RAB32: variants seen among roughly 807,000 people sequenced by gnomAD.
RAB32 encodes the protein ras-related protein Rab-32.
A neutral mutation model predicts 17.5 loss-of-function variants in RAB32; 17 were observed. The observed-to-expected ratio is 0.97, with a 90% CI of 0.67 to 1.46. The LOEUF is 1.46. Among genes scored for constraint, RAB32 ranks in the 40% most tolerant of loss-of-function variants. The pLI is 0.00. For synonymous variants in RAB32, 115 were observed against 111.1 expected, an observed-to-expected ratio of 1.04 and a Z score of -0.22; for missense variants, 288 against 284.3, an observed-to-expected ratio of 1.01 and a Z score of -0.09.
rs772752934 is a variant in RAB32 at position 146,554,499 on chromosome 6, A to C, written c.572A>C (p.Lys191Thr). 3.1e-6 allele frequency: 5 copies of C among 1,613,752 alleles called. No homozygotes were observed. In the South Asian group the frequency reaches 5.5e-5, roughly 18 times the overall value. Residue 191 changes from lysine to threonine, a missense_variant, in exon 3 of 3, where the codon AAG becomes ACG. Transcript: ENST00000367495. ...GAAGCTGCCCGGTTCCTAGTGGAGA[A>C]GATTCTTGTAAACCACCAAAGCTTT... ...IEEAARFLVE[K>T]ILVNHQSFPN...
chr6:146,552,309 G>A (rs1050030669), intron 2 of RAB32, among the ~76,000 whole-genome samples: 2 of 152,020 alleles, frequency 1.3e-5, no homozygotes, highest in African/African-American at 4.8e-5. Context: ...AATGTCACTT[G>A]GACATTCAAA....
At chr6:146,554,104 G>GA (rs1779929244) in intron 2 of RAB32, among the ~76,000 whole-genome samples, 1 of 151,974 alleles carries the variant, frequency 6.6e-6, no homozygotes, top group African/African-American at 2.4e-5. Flanking sequence ...GCTTGAATTA[G>GA]ATATTCAAGG....
At chr6:146,548,730 T>G (rs773178718) in intron 1 of RAB32, among the ~76,000 whole-genome samples, 2 of 152,204 alleles carry the variant, frequency 1.3e-5, no homozygotes, top group African/African-American at 2.4e-5. Flanking sequence ...TGCCAAAGAT[T>G]AGTACAATAG....
Position 146,543,983 on chromosome 6 carries a change from A to G in RAB32, c.112A>G (p.Lys38Glu). 6.2e-7 allele frequency: 1 copy of G among 1,613,584 alleles called. No homozygotes were observed. Among genetic ancestry groups the G allele is most frequent in the Non-Finnish European group, 8.5e-7 (1 of 1,179,854 alleles). The change falls in exon 1 of 3, where the codon AAG becomes GAG. Residue 38 changes from lysine (K) to glutamate (E), a missense_variant. Coordinates refer to ENST00000367495, the MANE Select transcript of RAB32 (RefSeq NM_006834.5). ...GGTGATCGGCGAGCTTGGCGTGGGCAAGACCAGCATCATCAAGCGCTACGT... is the reference window on the plus strand; with the variant it reads ...GGTGATCGGCGAGCTTGGCGTGGGCGAGACCAGCATCATCAAGCGCTACGT... The part of the protein sequence containing the change: ...VLVIGELGVG[K>E]TSIIKRYVHQ...
At chr6:146,551,807 G>A (rs752263979) in intron 2 of RAB32, among the ~76,000 whole-genome samples, 1 of 152,134 alleles carries the variant, frequency 6.6e-6, no homozygotes, top group Admixed American at 6.6e-5. Flanking sequence ...AGGATTACAC[G>A]CAGAGGTGAA....
intron 2 of RAB32, among the ~76,000 whole-genome samples, chr6:146,551,946 A>C (rs1779903254): frequency 6.6e-6 from 1 of 152,080 alleles, no homozygotes; most frequent in South Asian, 2.1e-4. Context: ...TAACAGTAAT[A>C]AAAAAATTTA....
intron 2 of RAB32, among the ~76,000 whole-genome samples, chr6:146,553,654 T>C (rs566747489): frequency 6.6e-6 from 1 of 152,220 alleles, no homozygotes; most frequent in East Asian, 1.9e-4. Context: ...TGAGTAAGCT[T>C]TTTAGGCTAG....
At chr6:146,544,576 A>T (rs1378830782) in intron 1 of RAB32, among the ~76,000 whole-genome samples, 1 of 151,756 alleles carries the variant, frequency 6.6e-6, no homozygotes, top group African/African-American at 2.4e-5. Context: ...GTTCCTTTCC[A>T]GATCATTTTC....
chr6:146,548,769 C>T (rs976660622), intron 1 of RAB32, among the ~76,000 whole-genome samples: 1 of 152,142 alleles, frequency 6.6e-6, no homozygotes, highest in Non-Finnish European at 1.5e-5. Flanking sequence ...TTTGCAAAGT[C>T]CTATATAATG....
In RAB32 at chr6:146,551,945, T is replaced by TA. The variant is rs1333567529; in HGVS notation, c.528+2211dup. Among the ~76,000 whole-genome samples, 12 of 152,172 alleles carry TA rather than the reference T, an allele frequency of 7.9e-5. No homozygotes were observed. The South Asian group carries it at 1.9e-3, about 24-fold the overall frequency. On this transcript the variant is annotated intron_variant, in intron 2 of 2. Transcript: ENST00000367495. ...ACGTGTTCCAAGAGAATAACAGTAA[T>TA]AAAAAAATTTAGGTTAAAAATCTTA...
intron 1 of RAB32, 147 bp downstream of exon 1, chr6:146,544,268 A>G: frequency 1.7e-6 from 2 of 1,146,042 alleles, no homozygotes; most frequent in Non-Finnish European, 2.4e-6. Flanking sequence ...GCGAGATGCG[A>G]TGGACGCGGT....
chr6:146,547,741 G>T (rs1186063040), intron 1 of RAB32, among the ~76,000 whole-genome samples: 7 of 103,648 alleles, frequency 6.8e-5, no homozygotes, highest in Admixed American at 2.0e-4. Context: ...AAAAAAAAAA[G>T]CAACAGTCAC....
In RAB32 at chr6:146,549,698, G is replaced by T; in HGVS notation, c.485G>T (p.Cys162Phe). ...AGTCCTTCCCAGGTGGACCAATTCT[G>T]CAAAGAACATGGCTTTGCCGGATGG... The part of the protein sequence containing the change: ...SQSPSQVDQF[C>F]KEHGFAGWFE... Residue 162 changes from cysteine (C) to phenylalanine (F), a missense_variant, in exon 2 of 3, where the codon TGC becomes TTC. Cys to Phe is a radical substitution (Grantham distance 205). Coordinates refer to ENST00000367495, the MANE Select transcript of RAB32 (RefSeq NM_006834.5). The T allele has an allele frequency of 6.2e-7, 1 of 1,614,190 alleles. No homozygotes were observed. Among genetic ancestry groups the T allele is most frequent in the Non-Finnish European group, 8.5e-7 (1 of 1,180,020 alleles).
chr6:146,546,443 C>CA (rs199999617), intron 1 of RAB32, among the ~76,000 whole-genome samples: 2,673 of 146,188 alleles, frequency 0.018, 42 homozygotes, highest in East Asian at 0.049. Flanking sequence ...AAAAAAAAAA[C>CA]AAAAAAAACT....
intron 2 of RAB32, among the ~76,000 whole-genome samples, chr6:146,550,454 C>T (rs767392180): frequency 1.3e-5 from 2 of 151,794 alleles, no homozygotes; most frequent in Non-Finnish European, 2.9e-5. Context: ...ACTGGGAGTT[C>T]GAGACCAGCC....
At position 146,550,478 on chromosome 6, in the gene RAB32, G is replaced by A. The variant is rs536018794; in HGVS notation, c.528+737G>A. ...TCGAGACCAGCCTGGGCAACGTGGC[G>A]AAACCCTGTCTCTGCCAAAAATACA... On this transcript the variant is annotated intron_variant, in intron 2 of 2. Coordinates refer to ENST00000367495, the MANE Select transcript of RAB32 (RefSeq NM_006834.5). Among the ~76,000 whole-genome samples, 29 of 151,794 alleles carry A rather than the reference G, an allele frequency of 1.9e-4. No individual in the cohort carries two copies. In the South Asian group the frequency reaches 3.3e-3, roughly 17 times the overall value.
At chr6:146,544,226 C>T (rs1031848040) in intron 1 of RAB32, 105 bp downstream of exon 1, 3 of 1,401,436 alleles carry the variant, frequency 2.1e-6, no homozygotes, top group African/African-American at 2.9e-5. Flanking sequence ...TGCCTGGGTA[C>T]CTTTAGGAGA....
Position 146,543,958 on chromosome 6 carries a change from G to A in RAB32, c.87G>A (p.Leu29=). ...CCCGCGAGCACCTCTTCAAGGTGCT[G>A]GTGATCGGCGAGCTTGGCGTGGGCA... is the stretch of plus-strand genomic sequence containing the variant. The part of the protein sequence containing the change: ...PETREHLFKV[L]VIGELGVGKT... Residue 29 remains leucine, a synonymous_variant, in exon 1 of 3, where the codon CTG becomes CTA. Coordinates refer to ENST00000367495, the MANE Select transcript of RAB32 (RefSeq NM_006834.5). 1 of 1,613,284 alleles carries A rather than the reference G, an allele frequency of 6.2e-7. No homozygotes were observed. Among genetic ancestry groups the A allele is most frequent in the East Asian group, 2.2e-5 (1 of 44,778 alleles).
chr6:146,548,017 A>G (rs1779845369), intron 1 of RAB32, among the ~76,000 whole-genome samples: 1 of 152,198 alleles, frequency 6.6e-6, no homozygotes, highest in Non-Finnish European at 1.5e-5. Flanking sequence ...AGTCTGAATC[A>G]TTTCAATGCA....
Sources: gnomAD v4.1 joint callset for allele counts (sites outside exome capture counted in the v4.1 genomes callset) on GRCh38, gnomAD v4.1.1 for gene constraint, MANE v1.5 for transcripts, NCBI Gene and HGNC (gene_info 2026-07-23, HGNC 2026-07-21) for gene names.